Variants in C6 observed in about 807,000 individuals in gnomAD.
C6 encodes the protein complement component C6.
In C6, 101 loss-of-function variants were observed where a neutral mutation model predicts 112.9. That is an observed-to-expected ratio of 0.89 (90% CI 0.76 to 1.06). The LOEUF is 1.06. Among genes scored for constraint, C6 ranks in the 50% least tolerant of loss-of-function variants. C6 has a pLI of 0.00. For synonymous variants in C6, 431 were observed against 384.1 expected (o/e 1.12, Z -1.43); for missense variants, 1,202 against 1,104.6 (o/e 1.09, Z -1.25).
At chr5:41,212,817 A>G (rs1168452623) in intron 1 of C6, 4 of 152,206 alleles carry the variant, frequency 2.6e-5, no homozygotes, top group African/African-American at 9.6e-5. Context: ...GAGAATTTCA[A>G]TTAAAATGAA....
chr5:41,221,032 C>T (rs1001559577), intron 1 of C6, among the ~76,000 whole-genome samples: 11 of 73,864 alleles, frequency 1.5e-4, no homozygotes, highest in African/African-American at 5.6e-4. Context: ...ATTTATGTAG[C>T]TAAAAAAAAA....
chr5:41,180,648 T>A (rs1329779042), intron 7 of C6, among the ~76,000 whole-genome samples: 3 of 152,242 alleles, frequency 2.0e-5, no homozygotes, highest in South Asian at 4.1e-4. Context: ...AAATTTGCTC[T>A]GAATATGATT....
rs753502151 is a variant in C6 at position 41,142,874 on chromosome 5, C to T, written c.2756G>A (p.Cys919Tyr). The change falls in exon 18 of 18, where the codon TGT becomes TAT. Residue 919 changes from cysteine (C) to tyrosine (Y), a missense_variant. Physicochemically the swap from Cys to Tyr is radical, Grantham distance 194. Coordinates refer to ENST00000337836, the MANE Select transcript of C6 (RefSeq NM_000065.5). ...CAGTATTTCCATCTTCCTGTTTGCA[C>T]ATCTTATAGTTCCCACTTCACAGAT... is the stretch of plus-strand genomic sequence containing the variant. ...LNICEVGTIRCANRKMEILHP... is the reference protein window; with the variant it reads ...LNICEVGTIRYANRKMEILHP... 1 of 1,613,626 alleles carries T rather than the reference C, an allele frequency of 6.2e-7. No individual in the cohort carries two copies. The highest frequency in any genetic ancestry group is 1.7e-5 in the Admixed American group (1 of 59,930).
chr5:41,191,454 C>G (rs1227896723), intron 5 of C6, among the ~76,000 whole-genome samples: 1 of 152,168 alleles, frequency 6.6e-6, no homozygotes, highest in East Asian at 1.9e-4. Context: ...TAAAGCAAGT[C>G]ATTCGTGTTT....
At chr5:41,167,658 A>G (rs566089769) in intron 9 of C6, among the ~76,000 whole-genome samples, 1 of 152,308 alleles carries the variant, frequency 6.6e-6, no homozygotes, top group Admixed American at 6.5e-5. Context: ...AACTCATACT[A>G]ACTTATCATA....
At chr5:41,241,321 G>T (rs1417612058) in intron 1 of C6, among the ~76,000 whole-genome samples, 1 of 152,156 alleles carries the variant, frequency 6.6e-6, no homozygotes, top group South Asian at 2.1e-4. Flanking sequence ...TGGGTGGGAA[G>T]ATTCTAACAA....
intron 3 of C6, among the ~76,000 whole-genome samples, chr5:41,200,453 A>G (rs1250083466): frequency 6.6e-6 from 1 of 152,202 alleles, no homozygotes; most frequent in Non-Finnish European, 1.5e-5. Flanking sequence ...CTTTGAAGTC[A>G]GAAAATTCAA....
At chr5:41,173,650 A>C (rs778275811) in intron 8 of C6, among the ~76,000 whole-genome samples, 6 of 152,156 alleles carry the variant, frequency 3.9e-5, no homozygotes, top group Non-Finnish European at 8.8e-5. Context: ...TGCAGGTCAT[A>C]ATAGCAGGGA....
chr5:41,255,300 G>A (rs556127707), intron 1 of C6, among the ~76,000 whole-genome samples: 4 of 151,240 alleles, frequency 2.6e-5, no homozygotes, highest in East Asian at 3.9e-4. Context: ...GGCGGCGGCC[G>A]CAGTGAGCCG....
chr5:41,199,937 T>C (rs757575435), intron 3 of C6, 25 bp from the exon 4 acceptor site: 4 of 1,612,902 alleles, frequency 2.5e-6, no homozygotes, highest in South Asian at 2.2e-5. Context: ...GAGAAAGATA[T>C]AACTCTGAGG....
chr5:41,169,049 G>A (rs538241168), intron 9 of C6, among the ~76,000 whole-genome samples: 1 of 152,038 alleles, frequency 6.6e-6, no homozygotes, highest in Non-Finnish European at 1.5e-5. Flanking sequence ...GACAAAAGAT[G>A]GCCTGGCCTT....
At chr5:41,156,173 A>G (rs79916621) in intron 13 of C6, among the ~76,000 whole-genome samples, 7,145 of 152,202 alleles carry the variant, frequency 0.047, 176 homozygotes, top group Middle Eastern at 0.071. Flanking sequence ...AAACCCTGCC[A>G]TTCTTCGAAC....
intron 1 of C6, among the ~76,000 whole-genome samples, chr5:41,239,129 T>TTTTTTTTTTTTTTTG (rs1740532711): frequency 6.7e-6 from 1 of 148,882 alleles, no homozygotes; most frequent in Non-Finnish European, 1.5e-5. Flanking sequence ...TTTTTTTTTT[T>TTTTTTTTTTTTTTTG]GAGACGGATT....
At chr5:41,174,867 A>G (rs1255611440) in intron 8 of C6, among the ~76,000 whole-genome samples, 1 of 152,208 alleles carries the variant, frequency 6.6e-6, no homozygotes, top group Non-Finnish European at 1.5e-5. Context: ...GCCAGAATAC[A>G]TATTTATCTA....
Position 41,160,379 on chromosome 5 carries a change from T to C in C6, c.1459-12A>G. On this transcript the variant is annotated splice_polypyrimidine_tract_variant and intron_variant, in intron 10 of 17. Transcript: ENST00000337836. ...ACGATGGGGGCAAGCTAGGAGAAAA[T>C]GGGAGAGAGGAGGTCCAGTCACATC... is the stretch of plus-strand genomic sequence containing the variant. The C allele has an allele frequency of 6.2e-7, 1 of 1,605,226 alleles. No homozygotes were observed. Among genetic ancestry groups the C allele is most frequent in the Non-Finnish European group, 8.5e-7 (1 of 1,172,146 alleles).
At chr5:41,202,948 C>A in intron 2 of C6, 140 bp downstream of exon 2, 1 of 867,020 alleles carries the variant, frequency 1.2e-6, no homozygotes, top group Non-Finnish European at 1.9e-6. Flanking sequence ...AAGAGAGAGA[C>A]TTCAAATTTC....
chr5:41,166,592 G>A (rs562260223), intron 9 of C6, among the ~76,000 whole-genome samples: 1 of 152,184 alleles, frequency 6.6e-6, no homozygotes, highest in Admixed American at 6.5e-5. Flanking sequence ...AACATGGTAT[G>A]AAGTACTGAG....
chr5:41,145,796 G>C (rs903405880), intron 17 of C6, among the ~76,000 whole-genome samples: 11 of 152,152 alleles, frequency 7.2e-5, no homozygotes, highest in African/African-American at 2.7e-4. Flanking sequence ...AAAGACAGGG[G>C]ACTATTCCAC....
chr5:41,208,160 C>A (rs927045035), intron 1 of C6, among the ~76,000 whole-genome samples: 1 of 152,196 alleles, frequency 6.6e-6, no homozygotes, highest in African/African-American at 2.4e-5. Context: ...TAAAGATGTT[C>A]TTTGAAACCA....
Sources: gnomAD v4.1 joint callset for allele counts (sites outside exome capture counted in the v4.1 genomes callset) on GRCh38, gnomAD v4.1.1 for gene constraint, MANE v1.5 for transcripts, NCBI Gene and HGNC (gene_info 2026-07-23, HGNC 2026-07-21) for gene names.